Variants in DENND2B observed in about 807,000 individuals in gnomAD.
The protein encoded by DENND2B is DENN domain-containing protein 2B.
A neutral mutation model predicts 116.0 loss-of-function variants in DENND2B; 32 were observed. The observed-to-expected ratio is 0.28, with a 90% CI of 0.21 to 0.37. DENND2B has a LOEUF of 0.37. Among genes scored for constraint, DENND2B ranks in the 10% least tolerant of loss-of-function variants. The probability of loss-of-function intolerance (pLI) is 1.00; values close to 1 mark genes in which losing one functional copy is unlikely to be tolerated. For synonymous variants in DENND2B, 588 were observed against 583.9 expected, an observed-to-expected ratio of 1.01 and a Z score of -0.10; for missense variants, 1,276 against 1,477.7, an observed-to-expected ratio of 0.86 and a Z score of 2.24.
At chr11:8,857,414 T>C (rs2742549) in exon 3 of DENND2B, 31,431 of 152,194 alleles carry the variant, frequency 0.21, 3,764 homozygotes, top group Middle Eastern at 0.36. Flanking sequence ...CCATTTTCTA[T>C]ACTATCCATT....
intron 4 of DENND2B, chr11:8,831,747 A>G (rs1348410522): frequency 1.3e-5 from 2 of 152,172 alleles, no homozygotes; most frequent in African/African-American, 4.8e-5. Flanking sequence ...TCCCTAAATA[A>G]TTAAAAATTT....
At chr11:8,863,993 G>A (rs766871063) in intron 2 of DENND2B, among the ~76,000 whole-genome samples, 1 of 152,150 alleles carries the variant, frequency 6.6e-6, no homozygotes, top group Non-Finnish European at 1.5e-5. Context: ...GAGAAAGACA[G>A]CTATTGAGTG....
chr11:8,794,159 A>C (rs965163009), intron 1 of DENND2B, among the ~76,000 whole-genome samples: 6 of 152,244 alleles, frequency 3.9e-5, no homozygotes, highest in African/African-American at 1.4e-4. Context: ...CTTAAACAAA[A>C]GTTAGCCAGA....
chr11:8,764,697 G>A (rs2055307305), intron 1 of DENND2B, among the ~76,000 whole-genome samples: 1 of 152,106 alleles, frequency 6.6e-6, no homozygotes, highest in African/African-American at 2.4e-5. Flanking sequence ...GGCTGGGCAT[G>A]GTGGCTCACG....
chr11:8,744,132 G>GTT (rs376495586), intron 2 of DENND2B, among the ~76,000 whole-genome samples: 81 of 136,784 alleles, frequency 5.9e-4, no homozygotes, highest in Admixed American at 6.7e-4. Flanking sequence ...AACCCATGAA[G>GTT]TTTTTTTTTT....
chr11:8,806,588 C>T (rs531875193), intron 1 of DENND2B, among the ~76,000 whole-genome samples: 3 of 31,672 alleles, frequency 9.5e-5, no homozygotes, highest in Non-Finnish European at 2.7e-4. Context: ...TCATTTAACA[C>T]CCTCCTCTCC....
chr11:8,867,492 T>C (rs962798307), intron 2 of DENND2B, among the ~76,000 whole-genome samples: 12 of 152,130 alleles, frequency 7.9e-5, no homozygotes, highest in African/African-American at 2.7e-4. Flanking sequence ...TAAATGTATA[T>C]TTTATGTTAA....
intron 4 of DENND2B, chr11:8,719,278 T>G (rs1344220002): frequency 1.0e-6 from 1 of 967,578 alleles, no homozygotes; most frequent in African/African-American, 1.8e-5. Flanking sequence ...CATTGTGGCA[T>G]CTACTTATGC....
chr11:8,804,630 C>T (rs2060674727), intron 1 of DENND2B, among the ~76,000 whole-genome samples: 2 of 145,514 alleles, frequency 1.4e-5, no homozygotes, highest in Admixed American at 7.2e-5. Flanking sequence ...CTGCAACCTC[C>T]GCCTCCCAGG....
At chr11:8,726,576 A>T (rs1222015419) in intron 3 of DENND2B, among the ~76,000 whole-genome samples, 1 of 152,232 alleles carries the variant, frequency 6.6e-6, no homozygotes, top group African/African-American at 2.4e-5. Flanking sequence ...GAAGTGACAG[A>T]GGCATGATTC....
chr11:8,759,268 T>C (rs2054150619), intron 1 of DENND2B, among the ~76,000 whole-genome samples: 1 of 152,180 alleles, frequency 6.6e-6, no homozygotes, highest in South Asian at 2.1e-4. Context: ...GTCTGATACT[T>C]TTCTGCAGGC....
chr11:8,901,608 C>A (rs889950720), intron 1 of DENND2B, among the ~76,000 whole-genome samples: 3 of 152,172 alleles, frequency 2.0e-5, no homozygotes, highest in African/African-American at 7.2e-5. Context: ...AAGCTTGGCA[C>A]TTCCCTCTAA....
upstream of DENND2B, chr11:8,811,235 C>T: frequency 2.5e-6 from 1 of 398,624 alleles, no homozygotes; most frequent in Non-Finnish European, 4.4e-6. Flanking sequence ...CTGGACTGGC[C>T]TCTCTGCTTA....
At chr11:8,766,656 T>C (rs1187198139) in intron 1 of DENND2B, 1 of 1,289,314 alleles carries the variant, frequency 7.8e-7, no homozygotes, top group Non-Finnish European at 1.0e-6. Flanking sequence ...TCCCACGGGG[T>C]TTCTTGCCAG....
chr11:8,695,814 T>C, intron 18 of DENND2B: 1 of 513,962 alleles, frequency 1.9e-6, no homozygotes, highest in Non-Finnish European at 3.5e-6. Context: ...GCTTCTCAGT[T>C]CAGAGCTGCC....
intron 4 of DENND2B, among the ~76,000 whole-genome samples, chr11:8,828,352 G>C (rs2062058793): frequency 6.6e-6 from 1 of 152,120 alleles, no homozygotes; most frequent in Non-Finnish European, 1.5e-5. Flanking sequence ...AATTCATTCA[G>C]GAGCCCAGCC....
chr11:8,898,393 A>G (rs577521016), intron 1 of DENND2B, among the ~76,000 whole-genome samples: 2 of 152,314 alleles, frequency 1.3e-5, no homozygotes, highest in African/African-American at 4.8e-5. Flanking sequence ...GTAAAATAAA[A>G]TAAAAACAAG....
intron 2 of DENND2B, among the ~76,000 whole-genome samples, chr11:8,743,028 C>A (rs568008574): frequency 1.3e-5 from 2 of 151,774 alleles, no homozygotes; most frequent in Non-Finnish European, 1.5e-5. Context: ...CGCGCCATTG[C>A]GCTCCAGCCT....
chr11:8,804,547 C>CTTT lies in DENND2B; in HGVS notation c.-26+5967_-26+5969dup, dbSNP rs58169547. On this transcript the variant is annotated intron_variant, in intron 1 of 19. Transcript: ENST00000313726. ...ACGAGATGCAAAATAGCAGCTACTT[C>CTTT]TTTTTTTTTTTTTTTGAGACGAAGT... is the stretch of plus-strand genomic sequence containing the variant. Among the ~76,000 whole-genome samples, 35 of 129,590 alleles carry CTTT rather than the reference C, an allele frequency of 2.7e-4. 11 individuals are homozygous for CTTT. Among genetic ancestry groups the CTTT allele is most frequent in the Admixed American group, 3.3e-4 (4 of 12,210 alleles). The allele number at this position is 129,590 out of a possible 152,430, so 85.0% of individuals were successfully genotyped here. A position where few individuals can be genotyped will look rare whatever the true frequency, so the allele number is the denominator to read the frequency against.
Sources: allele counts gnomAD v4.1 joint callset (sites outside exome capture counted in the v4.1 genomes callset), GRCh38; gene constraint gnomAD v4.1.1; transcripts MANE v1.5; gene names NCBI Gene and HGNC (gene_info 2026-07-23, HGNC 2026-07-21).